Variants in PLEKHG4B observed in about 807,000 individuals in gnomAD.
The protein encoded by PLEKHG4B is pleckstrin homology and RhoGEF domain containing G4B.
In PLEKHG4B, 111 loss-of-function variants were observed where a neutral mutation model predicts 121.3. The ratio of observed to expected loss-of-function variants is 0.92; its 90% CI spans 0.78 to 1.07. PLEKHG4B has a LOEUF of 1.07. PLEKHG4B is among the 50% of genes least tolerant of loss of function. The probability of loss-of-function intolerance (pLI) is 0.00; values close to 1 mark genes in which losing one functional copy is unlikely to be tolerated. For synonymous variants in PLEKHG4B, 738 were observed against 725.0 expected (o/e 1.02, Z -0.29); for missense variants, 1,831 against 1,757.8 (o/e 1.04, Z -0.74).
chr5:136,618 C>G, intron 2 of PLEKHG4B, among the ~76,000 whole-genome samples: 1 of 152,160 alleles, frequency 6.6e-6, no homozygotes, highest in African/African-American at 2.4e-5. Flanking sequence ...TTAGATACCA[C>G]CTCCCACCCA....
At chr5:115,105 A>G (rs538404972) in intron 2 of PLEKHG4B, among the ~76,000 whole-genome samples, 5 of 152,344 alleles carry the variant, frequency 3.3e-5, no homozygotes, top group Admixed American at 2.0e-4. Flanking sequence ...GTATTTCTTA[A>G]AAAGACTTGA....
chr5:93,785 C>T (rs973903933), intron 1 of PLEKHG4B, among the ~76,000 whole-genome samples: 4 of 152,072 alleles, frequency 2.6e-5, no homozygotes, highest in African/African-American at 9.7e-5. Flanking sequence ...AGGAATTCTT[C>T]GTTACTTGTA....
intron 9 of PLEKHG4B, among the ~76,000 whole-genome samples, chr5:155,773 C>G (rs943927619): frequency 1.3e-5 from 2 of 152,204 alleles, no homozygotes; most frequent in African/African-American, 4.8e-5. Context: ...GCCCAGCCGC[C>G]AGGTCTAGGG....
chr5:121,735 C>T (rs1734475562), intron 2 of PLEKHG4B, among the ~76,000 whole-genome samples: 1 of 151,860 alleles, frequency 6.6e-6, no homozygotes, highest in East Asian at 1.9e-4. Flanking sequence ...AATTCTATAT[C>T]CAGCAAAAAT....
intron 1 of PLEKHG4B, among the ~76,000 whole-genome samples, chr5:97,612 C>T (rs1733667692): frequency 6.6e-6 from 1 of 152,214 alleles, no homozygotes; most frequent in Admixed American, 6.5e-5. Context: ...ATCTGTTGCA[C>T]CATGTGTCGG....
At chr5:172,789 C>A in intron 16 of PLEKHG4B, 108 bp from the exon 17 acceptor site, 1 of 1,253,466 alleles carries the variant, frequency 8.0e-7, no homozygotes, top group Non-Finnish European at 1.1e-6. Flanking sequence ...AGTTTGGCTG[C>A]TGTTCCGTCT....
At chr5:99,351 T>C (rs988329866) in intron 1 of PLEKHG4B, among the ~76,000 whole-genome samples, 4 of 151,756 alleles carry the variant, frequency 2.6e-5, no homozygotes, top group Non-Finnish European at 5.9e-5. Context: ...ACGTCTTACA[T>C]GTTAAGCCTC....
chr5:148,961 A>C (rs1435170865), intron 6 of PLEKHG4B, among the ~76,000 whole-genome samples: 1 of 152,224 alleles, frequency 6.6e-6, no homozygotes, highest in Non-Finnish European at 1.5e-5. Context: ...AAGACCATTC[A>C]ATGGAGAAAG....
rs1733598667 is a variant in PLEKHG4B at position 185,502 on chromosome 5, A to G, written c.*3179A>G. Reference sequence around the variant, plus strand: ...CCTGAGTATGGACAGCCACCATCACACAGCCCCAGAGGCCGCCCAGGCTCT... The same window carrying G: ...CCTGAGTATGGACAGCCACCATCACGCAGCCCCAGAGGCCGCCCAGGCTCT... On this transcript the variant is annotated 3_prime_UTR_variant, in exon 20 of 20. Coordinates refer to ENST00000637938, the MANE Select transcript of PLEKHG4B (RefSeq NM_052909.5). The G allele has an allele frequency of 6.6e-6, 1 of 152,180 alleles. No homozygotes were observed. The highest frequency in any genetic ancestry group is 1.5e-5 in the Non-Finnish European group (1 of 68,030). 9.4% of individuals were successfully genotyped at this position (152,180 alleles called of 1,614,324 possible).
intron 2 of PLEKHG4B, among the ~76,000 whole-genome samples, chr5:121,249 A>C (rs1224356285): frequency 6.6e-6 from 1 of 152,056 alleles, no homozygotes; most frequent in Non-Finnish European, 1.5e-5. Flanking sequence ...TCCGTCTAAA[A>C]AAAAAAAGAA....
Position 156,306 on chromosome 5 carries a change from AGC to A in PLEKHG4B, c.2348+97_2348+98del. 8.1e-7 allele frequency: 1 copy of A among 1,232,730 alleles called. No homozygotes were observed. Among genetic ancestry groups the A allele is most frequent in the Non-Finnish European group, 1.0e-6 (1 of 963,194 alleles). 76.4% of individuals were successfully genotyped at this position (1,232,730 alleles called of 1,614,324 possible). A position where few individuals can be genotyped will look rare whatever the true frequency, so the allele number is the denominator to read the frequency against. Reference sequence around the variant, plus strand: ...AGGCGTAGCGCTCTGCTCCAAGGAGAGCCCCCTCTGTGCTTGGTCCAGACCTC... The same window carrying A: ...AGGCGTAGCGCTCTGCTCCAAGGAGACCCCTCTGTGCTTGGTCCAGACCTC... On this transcript the variant is annotated intron_variant, in intron 10 of 19. Coordinates refer to ENST00000637938, the MANE Select transcript of PLEKHG4B (RefSeq NM_052909.5). This position sits in a 1 kb window ranked among gnomAD's most constrained non-coding sequence, Gnocchi z 4.4.
At position 156,359 on chromosome 5, in the gene PLEKHG4B, G is replaced by A; in HGVS notation, c.2348+149G>A. ...CATTCTGACAGCCACGCTTTGCCTG[G>A]GTCAGAGCTTTTCCACATTTACAGG... is the stretch of plus-strand genomic sequence containing the variant. On this transcript the variant is annotated intron_variant, in intron 10 of 19. Transcript: ENST00000637938. The surrounding 1 kb of genome is among the most constrained non-coding windows in gnomAD (Gnocchi z 4.4). 1.1e-6 allele frequency: 1 copy of A among 951,044 alleles called. No individual in the cohort carries two copies. The highest frequency in any genetic ancestry group is 1.4e-6 in the Non-Finnish European group (1 of 706,002). The allele number at this position is 951,044 out of a possible 1,614,324, so 58.9% of individuals were successfully genotyped here.
chr5:156,174 G>T lies in PLEKHG4B; in HGVS notation c.2312G>T (p.Arg771Leu). 1 of 1,575,198 alleles carries T rather than the reference G, an allele frequency of 6.3e-7. No individual in the cohort carries two copies. The highest frequency in any genetic ancestry group is 8.6e-7 in the Non-Finnish European group (1 of 1,160,488). Residue 771 changes from arginine to leucine, a missense_variant, in exon 10 of 20, where the codon CGG becomes CTG. Physicochemically the swap from Arg to Leu is moderately radical, Grantham distance 102 (BLOSUM62 -2). Transcript: ENST00000637938. The surrounding 1 kb of genome is among the most constrained non-coding windows in gnomAD (Gnocchi z 4.4). ...LRLEGGTVLARLRREELGTED... is the reference protein window; with the variant it reads ...LRLEGGTVLALLRREELGTED... Reference sequence around the variant, plus strand: ...CTGGAGGGGGGCACCGTCCTGGCGCGGCTGAGGAGAGAAGAGCTTGGCACA... The same window carrying T: ...CTGGAGGGGGGCACCGTCCTGGCGCTGCTGAGGAGAGAAGAGCTTGGCACA...
chr5:124,219 A>G (rs565753369), intron 2 of PLEKHG4B, among the ~76,000 whole-genome samples: 1 of 152,286 alleles, frequency 6.6e-6, no homozygotes, highest in African/African-American at 2.4e-5. Flanking sequence ...TATGATATCT[A>G]TCTTTTTAAG....
intron 2 of PLEKHG4B, among the ~76,000 whole-genome samples, chr5:122,375 C>T (rs1272968867): frequency 1.3e-5 from 2 of 151,922 alleles, no homozygotes; most frequent in South Asian, 2.1e-4. Context: ...AGCAACTGAA[C>T]GTTCGTTGTA....
chr5:181,793 T>G, intron 19 of PLEKHG4B, 118 bp downstream of exon 19: 1 of 1,412,084 alleles, frequency 7.1e-7, no homozygotes, highest in Non-Finnish European at 9.6e-7. Context: ...GCACCAGGCC[T>G]GTCGTCAAGG....
chr5:172,850 GA>G, intron 16 of PLEKHG4B, 46 bp from the exon 17 acceptor site: 2 of 1,607,372 alleles, frequency 1.2e-6, no homozygotes, highest in Non-Finnish European at 1.7e-6. Flanking sequence ...TGCCACCACA[GA>G]CGCCGGATTT....
At chr5:161,981 G>A (rs200910691) in intron 12 of PLEKHG4B, 37 bp downstream of exon 12, 97 of 1,561,558 alleles carry the variant, frequency 6.2e-5, no homozygotes, top group East Asian at 3.6e-4. Flanking sequence ...CAGGGATCCC[G>A]GCTCCTTAGG....
At chr5:121,333 A>G (rs950916265) in intron 2 of PLEKHG4B, among the ~76,000 whole-genome samples, 7 of 152,218 alleles carry the variant, frequency 4.6e-5, no homozygotes, top group Non-Finnish European at 1.0e-4. Context: ...GGATTAATGC[A>G]GATTGGACAC....
Sources: gnomAD v4.1 joint callset for allele counts (sites outside exome capture counted in the v4.1 genomes callset) on GRCh38, gnomAD v4.1.1 for gene constraint, Gnocchi (gnomAD v3.1) non-coding constraint, MANE v1.5 for transcripts, NCBI Gene and HGNC (gene_info 2026-07-23, HGNC 2026-07-21) for gene names.